The following OXTR variants were observed in gnomAD, a reference collection of about 807,000 sequenced individuals.
OXTR encodes the protein oxytocin receptor.
Under a neutral mutation model 23.9 loss-of-function variants are expected in OXTR, and 19 were observed. The observed-to-expected ratio is 0.80, with a 90% CI of 0.56 to 1.17. The LOEUF (loss-of-function observed/expected upper bound fraction) is 1.17. Ranked by LOEUF, OXTR falls within the 50% of genes most tolerant of loss-of-function variation. The pLI is 0.00. For synonymous variants in OXTR, 278 were observed against 250.5 expected (o/e 1.11, Z -1.04); for missense variants, 500 against 550.7 (o/e 0.91, Z 0.92).
Position 8,750,893 on chromosome 3 carries a change from T to C in OXTR, c.*2084A>G, listed in dbSNP as rs1708242603. On this transcript the variant is annotated 3_prime_UTR_variant, in exon 4 of 4. Transcript: ENST00000316793. Reference sequence around the variant, plus strand: ...TACGTTTTCATTTCTCTTGGGTAAATACCTAGGAGTGGCATTCCTGGGTCA... The same window carrying C: ...TACGTTTTCATTTCTCTTGGGTAAACACCTAGGAGTGGCATTCCTGGGTCA... The C allele has an allele frequency of 6.6e-6, 1 of 152,206 alleles. No individual in the cohort carries two copies. Among genetic ancestry groups the C allele is most frequent in the African/African-American group, 2.4e-5 (1 of 41,446 alleles). 9.4% of individuals were successfully genotyped at this position (152,206 alleles called of 1,614,324 possible).
chr3:8,747,095 A>G (rs1559657636), downstream of OXTR, among the ~76,000 whole-genome samples: 1 of 151,344 alleles, frequency 6.6e-6, no homozygotes, highest in Non-Finnish European at 1.5e-5. Context: ...TAAGTCTCAT[A>G]TAATTAAAGT....
downstream of OXTR, among the ~76,000 whole-genome samples, chr3:8,747,216 C>T (rs529229824): frequency 4.0e-4 from 61 of 152,236 alleles, no homozygotes; most frequent in South Asian, 1.5e-3. Context: ...GGAACTAGGA[C>T]GCAGGCAGCC....
At chr3:8,744,185 C>T in the OXTR span, among the ~76,000 whole-genome samples, 2 of 152,244 alleles carry the variant, frequency 1.3e-5, no homozygotes, top group Admixed American at 6.5e-5. Context: ...TCTGCAACCT[C>T]CCACTTGGCG....
chr3:8,758,014 AG>A (rs1400345185), intron 3 of OXTR, among the ~76,000 whole-genome samples: 1 of 152,062 alleles, frequency 6.6e-6, no homozygotes, highest in Non-Finnish European at 1.5e-5. Context: ...GCTGGGGACT[AG>A]GGGTGGTTTT....
chr3:8,765,508 A>G (rs963114787), intron 3 of OXTR, among the ~76,000 whole-genome samples: 6 of 152,228 alleles, frequency 3.9e-5, no homozygotes, highest in African/African-American at 1.4e-4. Flanking sequence ...TCCCAAAGCT[A>G]GTAAGGGCTG....
At position 8,768,566 on chromosome 3, in the gene OXTR, T is replaced by G; in HGVS notation, c.-213A>C. ...AAGCCCAGAGCCCCCAGCGTGCCAG[T>G]TCCTCGGGATGTTCAGCGGCTTCCA... On this transcript the variant is annotated 5_prime_UTR_variant, in exon 2 of 4. Coordinates refer to ENST00000316793, the MANE Select transcript of OXTR (RefSeq NM_000916.4). The surrounding 1 kb of genome is among the most constrained non-coding windows in gnomAD (Gnocchi z 5.4). The G allele has an allele frequency of 5.6e-5, 10 of 178,870 alleles. No individual in the cohort carries two copies. The highest frequency in any genetic ancestry group is 2.2e-3 in the Middle Eastern group (1 of 446). 11.1% of individuals were successfully genotyped at this position (178,870 alleles called of 1,614,324 possible).
intron 3 of OXTR, among the ~76,000 whole-genome samples, chr3:8,753,949 T>G (rs1708323012): frequency 6.6e-6 from 1 of 151,838 alleles, no homozygotes; most frequent in African/African-American, 2.4e-5. Context: ...ATGCCTATGG[T>G]TTTTCCAGGC....
chr3:8,750,820 A>G lies in OXTR; in HGVS notation c.*2157T>C, dbSNP rs534311638. ...GGGTTGTTTCCACTTTTTGGCTATTACAAATAATGTTGCTATGAACATTGG... is the reference window on the plus strand; with the variant it reads ...GGGTTGTTTCCACTTTTTGGCTATTGCAAATAATGTTGCTATGAACATTGG... On this transcript the variant is annotated 3_prime_UTR_variant, in exon 4 of 4. Transcript: ENST00000316793. The G allele has an allele frequency of 1.2e-4, 18 of 152,320 alleles. No individual in the cohort carries two copies. Among genetic ancestry groups the G allele is most frequent in the African/African-American group, 4.3e-4 (18 of 41,570 alleles). The allele number at this position is 152,320 out of a possible 1,614,324, so 9.4% of individuals were successfully genotyped here.
rs1708289786 is a variant in OXTR, at chr3:8,752,773, G to A, written c.*204C>T. ...CAGGGTGGTAGAAGTACGTGTAGGAGGCCAGGGTGTTGTCTGATGGCTGAG... is the reference window on the plus strand; with the variant it reads ...CAGGGTGGTAGAAGTACGTGTAGGAAGCCAGGGTGTTGTCTGATGGCTGAG... On this transcript the variant is annotated 3_prime_UTR_variant, in exon 4 of 4. Coordinates refer to ENST00000316793, the MANE Select transcript of OXTR (RefSeq NM_000916.4). The A allele has an allele frequency of 1.7e-6, 1 of 593,570 alleles. No homozygotes were observed. The highest frequency in any genetic ancestry group is 3.1e-5 in the Admixed American group (1 of 32,126). 36.8% of individuals were successfully genotyped at this position (593,570 alleles called of 1,614,324 possible).
rs371676535 is a variant in OXTR at position 8,769,414 on chromosome 3, G to A, written c.-422C>T. 1 of 152,428 alleles carries A rather than the reference G, an allele frequency of 6.6e-6. No individual in the cohort carries two copies. The highest frequency in any genetic ancestry group is 2.1e-4 in the South Asian group (1 of 4,828). The allele number at this position is 152,428 out of a possible 1,614,324, so 9.4% of individuals were successfully genotyped here. A position where few individuals can be genotyped will look rare whatever the true frequency, so the allele number is the denominator to read the frequency against. On this transcript the variant is annotated 5_prime_UTR_variant, in exon 1 of 4. Coordinates refer to ENST00000316793, the MANE Select transcript of OXTR (RefSeq NM_000916.4). ...GGTTGGAATCCCCTCGCCGCAGCCT[G>A]GCTGGTCGCTGGATGGGTACAGGAG...
chr3:8,755,625 C>G (rs1320596283), intron 3 of OXTR, among the ~76,000 whole-genome samples: 1 of 152,230 alleles, frequency 6.6e-6, no homozygotes, highest in Non-Finnish European at 1.5e-5. Flanking sequence ...CCTCTGATCC[C>G]ACCTGGTGGC....
downstream of OXTR, among the ~76,000 whole-genome samples, chr3:8,747,686 CG>C (rs1244546411): frequency 6.6e-6 from 1 of 152,110 alleles, no homozygotes; most frequent in East Asian, 1.9e-4. Context: ...TCCACATTGT[CG>C]GGGGGCTCAG....
the OXTR span, chr3:8,742,692 G>C: frequency 3.1e-6 from 1 of 322,000 alleles, no homozygotes; most frequent in South Asian, 2.4e-5. Context: ...GTGTGCCTGG[G>C]CAAAGTGGGT....
At chr3:8,758,176 G>A (rs1293252758) in intron 3 of OXTR, among the ~76,000 whole-genome samples, 1 of 152,038 alleles carries the variant, frequency 6.6e-6, no homozygotes, top group African/African-American at 2.4e-5. Flanking sequence ...GTGGGAGGCA[G>A]AGGTCCACGT....
Position 8,768,460 on chromosome 3 carries a change from C to G in OXTR, c.-143+36G>C, listed in dbSNP as rs1332552789. 4 of 362,068 alleles carry G rather than the reference C, an allele frequency of 1.1e-5. No individual in the cohort carries two copies. The East Asian group carries it at 1.9e-4, about 17-fold the overall frequency. The allele number at this position is 362,068 out of a possible 1,614,324, so 22.4% of individuals were successfully genotyped here. ...GGGCACAACCGCCGGCCTCGGGTTG[C>G]TCAGCCGCCACCCCAGAAATCCCCG... On this transcript the variant is annotated intron_variant, in intron 2 of 3. Transcript: ENST00000316793. This position sits in a 1 kb window ranked among gnomAD's most constrained non-coding sequence, Gnocchi z 5.4.
chr3:8,759,830 G>A (rs1708450185), intron 3 of OXTR, among the ~76,000 whole-genome samples: 1 of 152,182 alleles, frequency 6.6e-6, no homozygotes, highest in Admixed American at 6.5e-5. Flanking sequence ...CTGCCCCTCA[G>A]TGCAGGAATC....
Position 8,750,821 on chromosome 3 carries a change from C to T in OXTR, c.*2156G>A, listed in dbSNP as rs1294888038. On this transcript the variant is annotated 3_prime_UTR_variant, in exon 4 of 4. Coordinates refer to ENST00000316793, the MANE Select transcript of OXTR (RefSeq NM_000916.4). ...GGTTGTTTCCACTTTTTGGCTATTACAAATAATGTTGCTATGAACATTGGT... is the reference window on the plus strand; with the variant it reads ...GGTTGTTTCCACTTTTTGGCTATTATAAATAATGTTGCTATGAACATTGGT... The T allele has an allele frequency of 6.6e-6, 1 of 152,196 alleles. No individual in the cohort carries two copies. The highest frequency in any genetic ancestry group is 1.5e-5 in the Non-Finnish European group (1 of 68,036). 9.4% of individuals were successfully genotyped at this position (152,196 alleles called of 1,614,324 possible). A position where few individuals can be genotyped will look rare whatever the true frequency, so the allele number is the denominator to read the frequency against.
downstream of OXTR, chr3:8,745,705 C>A (rs200202503): frequency 4.3e-6 from 7 of 1,614,192 alleles, no homozygotes; most frequent in Non-Finnish European, 5.9e-6. This position sits in a 1 kb window ranked among gnomAD's most constrained non-coding sequence, Gnocchi z 4.8. Context: ...TCTCCTTCTG[C>A]CACATCTGGG....
Position 8,751,727 on chromosome 3 carries a change from C to T in OXTR, c.*1250G>A, listed in dbSNP as rs199825943. The T allele has an allele frequency of 6.6e-5, 10 of 152,214 alleles. No homozygotes were observed. The highest frequency in any genetic ancestry group is 2.4e-4 in the African/African-American group (10 of 41,538). The allele number at this position is 152,214 out of a possible 1,614,324, so 9.4% of individuals were successfully genotyped here. On this transcript the variant is annotated 3_prime_UTR_variant, in exon 4 of 4. Coordinates refer to ENST00000316793, the MANE Select transcript of OXTR (RefSeq NM_000916.4). ...CATATCTGTACTCTTTATTCTGCTC[C>T]GTATGTCTATCCTTAAACCAGTAAC...
Sources: allele counts gnomAD v4.1 joint callset (sites outside exome capture counted in the v4.1 genomes callset), GRCh38; gene constraint gnomAD v4.1.1; non-coding constraint Gnocchi (gnomAD v3.1); transcripts MANE v1.5; gene names NCBI Gene and HGNC (gene_info 2026-07-23, HGNC 2026-07-21).